Variants in DDX4 observed in about 807,000 individuals in gnomAD.
DDX4 encodes DEAD-box helicase 4, also known as probable ATP-dependent RNA helicase DDX4.
A neutral mutation model predicts 100.0 loss-of-function variants in DDX4; 25 were observed. The ratio of observed to expected loss-of-function variants is 0.25; its 90% CI spans 0.18 to 0.35. The LOEUF is 0.35. DDX4 is among the 10% of genes least tolerant of loss of function. DDX4 has a pLI of 1.00. For missense variants in DDX4, 635 were observed against 882.4 expected, an observed-to-expected ratio of 0.72 and a Z score of 3.55; for synonymous variants, 259 against 275.7, an observed-to-expected ratio of 0.94 and a Z score of 0.60.
intron 2 of DDX4, among the ~76,000 whole-genome samples, chr5:55,743,180 C>T (rs1344706705): frequency 6.6e-6 from 1 of 152,222 alleles, no homozygotes; most frequent in Non-Finnish European, 1.5e-5. Context: ...TGCCCTCCCT[C>T]TGGAGGTTCT....
In DDX4 at chr5:55,787,393, G is replaced by A. The variant is rs1742309676; in HGVS notation, c.1018-453G>A. Among the ~76,000 whole-genome samples, 3 of 152,138 alleles carry A rather than the reference G, an allele frequency of 2.0e-5. No homozygotes were observed. In the South Asian group the frequency reaches 6.2e-4, roughly 32 times the overall value. On this transcript the variant is annotated intron_variant, in intron 14 of 21. Coordinates refer to ENST00000505374, the MANE Select transcript of DDX4 (RefSeq NM_024415.3). ...GTTGCCAGATGTAACTTCAATAAGG[G>A]TAATGTGTTCAGTAATACAGATGAT...
At chr5:55,762,301 C>T (rs1043756820) in intron 4 of DDX4, among the ~76,000 whole-genome samples, 7 of 151,856 alleles carry the variant, frequency 4.6e-5, no homozygotes, top group East Asian at 3.9e-4. Flanking sequence ...TTTAAATAAT[C>T]GTTCTTGCTA....
intron 18 of DDX4, among the ~76,000 whole-genome samples, chr5:55,812,275 G>A (rs1043340352): frequency 2.0e-5 from 3 of 151,890 alleles, no homozygotes; most frequent in Non-Finnish European, 2.9e-5. Flanking sequence ...TAATACTTCC[G>A]TAGGGGCCGG....
intron 7 of DDX4, among the ~76,000 whole-genome samples, chr5:55,779,214 T>C (rs1741756043): frequency 6.6e-6 from 1 of 152,220 alleles, no homozygotes; most frequent in African/African-American, 2.4e-5. Flanking sequence ...AAATATACCT[T>C]TACAGAAAAG....
At chr5:55,781,755 T>A (rs1741925308) in intron 9 of DDX4, among the ~76,000 whole-genome samples, 179 bp from the exon 10 acceptor site, 1 of 146,772 alleles carries the variant, frequency 6.8e-6, no homozygotes, top group Non-Finnish European at 1.5e-5. Flanking sequence ...CCAGCCTTGG[T>A]GATAGAGTGA....
At chr5:55,750,676 C>G (rs983911366) in intron 3 of DDX4, among the ~76,000 whole-genome samples, 1 of 152,144 alleles carries the variant, frequency 6.6e-6, no homozygotes, top group Non-Finnish European at 1.5e-5. Flanking sequence ...CTGACATGAG[C>G]CGGGCAGCAT....
Position 55,767,932 on chromosome 5 carries a change from A to G in DDX4, c.386A>G (p.Lys129Arg), listed in dbSNP as rs74473274. ...DNPTRNRGFSKRGGYRDGNNS... is the reference protein window; with the variant it reads ...DNPTRNRGFSRRGGYRDGNNS... ...CCAACACGGAACAGAGGGTTTTCCAAGAGAGGCGGTAAGGACCACATTTTG... is the reference window on the plus strand; with the variant it reads ...CCAACACGGAACAGAGGGTTTTCCAGGAGAGGCGGTAAGGACCACATTTTG... The change falls in exon 7 of 22, where the codon AAG becomes AGG. Residue 129 changes from lysine (K) to arginine (R), a missense_variant. By Grantham distance (26) the Lys-to-Arg change is conservative (BLOSUM62 2). Coordinates refer to ENST00000505374, the MANE Select transcript of DDX4 (RefSeq NM_024415.3). The G allele has an allele frequency of 4.8e-5, 78 of 1,613,980 alleles. No homozygotes were observed. In the East Asian group the frequency reaches 1.6e-3, roughly 32 times the overall value.
intron 6 of DDX4, 32 bp from the exon 7 acceptor site, chr5:55,767,849 A>G (rs978841789): frequency 1.0e-5 from 16 of 1,559,350 alleles, no homozygotes; most frequent in Non-Finnish European, 1.4e-5. Context: ...AAGTTAATTA[A>G]ATGCTATTTA....
chr5:55,770,334 T>C (rs1387435935), intron 7 of DDX4, among the ~76,000 whole-genome samples: 1 of 152,118 alleles, frequency 6.6e-6, no homozygotes. Context: ...CATTGGAAAT[T>C]TGAGGGGGGA....
At chr5:55,738,863 G>C in intron 1 of DDX4, 87 bp from the exon 2 acceptor site, 1 of 824,230 alleles carries the variant, frequency 1.2e-6, no homozygotes, top group East Asian at 2.4e-5. Flanking sequence ...GTTTCAAGAT[G>C]TATGTGAAAC....
chr5:55,745,200 C>T (rs142612693), intron 2 of DDX4, among the ~76,000 whole-genome samples: 32 of 152,100 alleles, frequency 2.1e-4, no homozygotes, highest in African/African-American at 7.7e-4. Flanking sequence ...CTTTTTAAAA[C>T]ATGAGAGTAC....
chr5:55,773,974 C>T (rs1259067527), intron 7 of DDX4, among the ~76,000 whole-genome samples: 1 of 151,900 alleles, frequency 6.6e-6, no homozygotes, highest in African/African-American at 2.4e-5. Context: ...TGTTGAGCAG[C>T]TTTTCATATG....
intron 18 of DDX4, among the ~76,000 whole-genome samples, chr5:55,803,193 G>A (rs1220429862): frequency 6.7e-6 from 1 of 148,648 alleles, no homozygotes; most frequent in African/African-American, 2.5e-5. Context: ...GTGAGAACAT[G>A]TGGTGTTTGT....
intron 18 of DDX4, among the ~76,000 whole-genome samples, chr5:55,809,711 A>G (rs1198239247): frequency 1.3e-5 from 2 of 152,212 alleles, no homozygotes; most frequent in East Asian, 3.9e-4. Flanking sequence ...TCACCTGTAG[A>G]TGTAGAATAG....
intron 17 of DDX4, among the ~76,000 whole-genome samples, chr5:55,796,971 GGT>G (rs1284650000): frequency 6.6e-6 from 1 of 150,558 alleles, no homozygotes; most frequent in Non-Finnish European, 1.5e-5. Context: ...CAGCCTCCTG[GGT>G]AGCTGGAACT....
At chr5:55,781,745 C>G (rs1741924589) in intron 9 of DDX4, among the ~76,000 whole-genome samples, 189 bp from the exon 10 acceptor site, 1 of 150,902 alleles carries the variant, frequency 6.6e-6, no homozygotes, top group African/African-American at 2.4e-5. Flanking sequence ...CCACTGCACT[C>G]CAGCCTTGGT....
intron 3 of DDX4, among the ~76,000 whole-genome samples, chr5:55,748,953 C>T (rs1468322578): frequency 6.6e-6 from 1 of 152,132 alleles, no homozygotes; most frequent in East Asian, 1.9e-4. Context: ...CCTTTTCATG[C>T]TCTTAAAATT....
At chr5:55,796,652 C>T (rs537279422) in intron 17 of DDX4, among the ~76,000 whole-genome samples, 2 of 151,956 alleles carry the variant, frequency 1.3e-5, no homozygotes, top group African/African-American at 4.8e-5. Flanking sequence ...AGAGCTATTT[C>T]CTCTTGGCTG....
chr5:55,786,638 A>G lies in DDX4; in HGVS notation c.985A>G (p.Met329Val), dbSNP rs745506690. The stretch of plus-strand genomic sequence containing the variant: ...TATCATACTTGCAGGACGAGATTTG[A>G]TGGCTTGCGCTCAAACAGGGTCTGG... The part of the protein sequence containing the change: ...IPIILAGRDL[M>V]ACAQTGSGKT... Residue 329 changes from methionine (M) to valine (V), a missense_variant, in exon 14 of 22, where the codon ATG becomes GTG. Around this residue, in one of 4 missense-constraint regions of DDX4, gnomAD observed 446 missense variants for 540.8 expected, o/e 0.82. Transcript: ENST00000505374. 2 of 1,613,512 alleles carry G rather than the reference A, an allele frequency of 1.2e-6. No individual in the cohort carries two copies. Among genetic ancestry groups the G allele is most frequent in the East Asian group, 2.2e-5 (1 of 44,860 alleles).
Sources: gnomAD v4.1 joint callset for allele counts (sites outside exome capture counted in the v4.1 genomes callset) on GRCh38, gnomAD v4.1.1 for gene constraint, gnomAD v4.1.1 regional missense constraint, MANE v1.5 for transcripts, NCBI Gene and HGNC (gene_info 2026-07-23, HGNC 2026-07-21) for gene names.